Variants in BBOX1 observed in about 807,000 individuals in gnomAD.
BBOX1 encodes the protein gamma-butyrobetaine hydroxylase 1.
A neutral mutation model predicts 41.6 loss-of-function variants in BBOX1; 35 were observed. The ratio of observed to expected loss-of-function variants is 0.84; its 90% CI spans 0.64 to 1.11. BBOX1 has a LOEUF of 1.11. BBOX1 is among the 50% of genes most tolerant of loss of function. The pLI is 0.00. For missense variants in BBOX1, 458 were observed against 460.6 expected, an observed-to-expected ratio of 0.99 and a Z score of 0.05; for synonymous variants, 163 against 154.7, an observed-to-expected ratio of 1.05 and a Z score of -0.40.
intron 3 of BBOX1, among the ~76,000 whole-genome samples, chr11:27,056,995 G>T (rs1485636966): frequency 1.4e-5 from 2 of 147,356 alleles, no homozygotes; most frequent in Non-Finnish European, 3.0e-5. Flanking sequence ...GAACCCGGGA[G>T]GCAGAGGTTG....
At position 27,055,494 on chromosome 11, in the gene BBOX1, T is replaced by C. The variant is rs1276860914; in HGVS notation, c.64T>C (p.Tyr22His). 1 of 1,614,128 alleles carries C rather than the reference T, an allele frequency of 6.2e-7. No homozygotes were observed. Among genetic ancestry groups the C allele is most frequent in the East Asian group, 2.2e-5 (1 of 44,866 alleles). ...DGAHLMQILWYDEEESLYPAV... is the reference protein window; with the variant it reads ...DGAHLMQILWHDEEESLYPAV... The stretch of plus-strand genomic sequence containing the variant: ...GGCTCATTTGATGCAGATCCTCTGG[T>C]ATGATGAGGAAGAGTCTCTCTACCC... The change falls in exon 3 of 9, where the codon TAT (tyrosine) becomes CAT (histidine). Residue 22 changes from tyrosine (Y) to histidine (H), a missense_variant. Physicochemically the swap from Tyr to His is moderately conservative, Grantham distance 83. Transcript: ENST00000263182.
At chr11:27,114,532 T>G (rs1005206320) in intron 5 of BBOX1, among the ~76,000 whole-genome samples, 2 of 151,868 alleles carry the variant, frequency 1.3e-5, no homozygotes, top group African/African-American at 4.8e-5. Context: ...TAGTGTGATA[T>G]TGGCATAAGG....
chr11:27,105,005 C>A (rs1186086169), intron 5 of BBOX1, among the ~76,000 whole-genome samples: 4 of 152,188 alleles, frequency 2.6e-5, no homozygotes, highest in Admixed American at 2.0e-4. Context: ...CTCCAGCAAA[C>A]TCCAACAGAC....
At chr11:27,048,346 T>C (rs1355177306) in intron 2 of BBOX1, among the ~76,000 whole-genome samples, 1 of 152,080 alleles carries the variant, frequency 6.6e-6, no homozygotes, top group Non-Finnish European at 1.5e-5. Context: ...ATAAGTGATA[T>C]CATATTGCAT....
intron 4 of BBOX1, among the ~76,000 whole-genome samples, chr11:27,071,740 T>A (rs1857458036): frequency 6.6e-6 from 1 of 152,172 alleles, no homozygotes; most frequent in African/African-American, 2.4e-5. Flanking sequence ...GTGGGCTTCA[T>A]CCCTGGGATG....
chr11:27,070,809 C>A (rs547852861), intron 4 of BBOX1, among the ~76,000 whole-genome samples: 123 of 149,278 alleles, frequency 8.2e-4, no homozygotes, highest in Admixed American at 1.6e-3. Context: ...GAGATACTTT[C>A]TCCGTCATCA....
chr11:27,076,804 A>G (rs1373522201), intron 4 of BBOX1, among the ~76,000 whole-genome samples: 1 of 152,126 alleles, frequency 6.6e-6, no homozygotes, highest in African/African-American at 2.4e-5. Context: ...TCCAGAGAGA[A>G]GCACAGCTGT....
At chr11:27,081,175 T>C (rs2134015709) in intron 4 of BBOX1, among the ~76,000 whole-genome samples, 1 of 152,286 alleles carries the variant, frequency 6.6e-6, no homozygotes, top group Admixed American at 6.5e-5. Flanking sequence ...TAGTAAGTTC[T>C]TTTTCAATGA....
intron 4 of BBOX1, among the ~76,000 whole-genome samples, chr11:27,064,298 G>A (rs1186740626): frequency 6.6e-6 from 1 of 152,062 alleles, no homozygotes; most frequent in African/African-American, 2.4e-5. Flanking sequence ...AGCTGCCTTA[G>A]AGCAATTAAG....
intron 4 of BBOX1, among the ~76,000 whole-genome samples, chr11:27,058,389 A>C (rs1857047085): frequency 6.6e-6 from 1 of 152,198 alleles, no homozygotes; most frequent in Non-Finnish European, 1.5e-5. Flanking sequence ...GAACAAACTA[A>C]TACAGAAAAT....
intron 4 of BBOX1, among the ~76,000 whole-genome samples, chr11:27,069,773 T>C (rs114366733): frequency 0.021 from 3,191 of 152,228 alleles, 38 homozygotes; most frequent in African/African-American, 0.039. Flanking sequence ...TTGTTATATA[T>C]GGCCTTTATT....
chr11:27,098,573 G>A (rs1159474257), intron 5 of BBOX1, among the ~76,000 whole-genome samples: 1 of 152,076 alleles, frequency 6.6e-6, no homozygotes, highest in African/African-American at 2.4e-5. Flanking sequence ...CTGGACTGTA[G>A]CAATGCATGG....
At chr11:27,086,142 A>C (rs78241529) in intron 4 of BBOX1, among the ~76,000 whole-genome samples, 1,717 of 152,270 alleles carry the variant, frequency 0.011, 31 homozygotes, top group African/African-American at 0.038. Flanking sequence ...AGCTGCAGCA[A>C]GTGATCTGGA....
At chr11:27,073,494 G>C (rs1440437810) in intron 4 of BBOX1, among the ~76,000 whole-genome samples, 1 of 148,094 alleles carries the variant, frequency 6.8e-6, no homozygotes, top group Non-Finnish European at 1.5e-5. Context: ...CATTGTGGAA[G>C]ACAGTGTGGC....
chr11:27,052,052 G>T (rs1459508051), intron 2 of BBOX1, among the ~76,000 whole-genome samples: 1 of 151,718 alleles, frequency 6.6e-6, no homozygotes, highest in Non-Finnish European at 1.5e-5. Flanking sequence ...CCCATTAGTT[G>T]TTCAGGAGTT....
intron 2 of BBOX1, among the ~76,000 whole-genome samples, chr11:27,050,278 G>C (rs1851630833): frequency 6.6e-6 from 1 of 152,096 alleles, no homozygotes; most frequent in Non-Finnish European, 1.5e-5. Context: ...TTTGGGATCT[G>C]ATAATGTGAT....
At position 27,055,504 on chromosome 11, in the gene BBOX1, AAG is replaced by A. The variant is rs1207731049; in HGVS notation, c.77_78del (p.Glu26ValfsTer16). 2.5e-6 allele frequency: 4 copies of A among 1,614,082 alleles called. No individual in the cohort carries two copies. The highest frequency in any genetic ancestry group is 3.4e-6 in the Non-Finnish European group (4 of 1,180,042). ...ATGCAGATCCTCTGGTATGATGAGG[AAG>A]AGTCTCTCTACCCAGCTGTATGGTT... On this transcript the variant is annotated frameshift_variant, in exon 3 of 9. Coordinates refer to ENST00000263182, the MANE Select transcript of BBOX1 (RefSeq NM_003986.3). LOFTEE classifies it high-confidence loss of function.
chr11:27,051,695 TCTCTCTTTGTTTCTTAGGTTAG>T lies in BBOX1; in HGVS notation c.-38-3695_-38-3674del, dbSNP rs1465302408. On this transcript the variant is annotated intron_variant, in intron 2 of 8. Coordinates refer to ENST00000263182, the MANE Select transcript of BBOX1 (RefSeq NM_003986.3). ...CTCTTTCATTTCTGATTTTGAGTCTTCTCTCTTTGTTTCTTAGGTTAGCTAATGGTTTGTCAATTCTACCTTT... is the reference window on the plus strand; with the variant it reads ...CTCTTTCATTTCTGATTTTGAGTCTTCTAATGGTTTGTCAATTCTACCTTT... Among the ~76,000 whole-genome samples the T allele has an allele frequency of 1.9e-4, 29 of 152,112 alleles. No individual in the cohort carries two copies. In the Middle Eastern group the frequency reaches 0.017, roughly 89 times the overall value.
At chr11:27,118,987 C>G (rs191403429) in intron 6 of BBOX1, among the ~76,000 whole-genome samples, 4 of 151,854 alleles carry the variant, frequency 2.6e-5, no homozygotes, top group South Asian at 4.2e-4. Flanking sequence ...AGCTCAGTTC[C>G]GACTACATTA....
Sources: gnomAD v4.1 joint callset for allele counts (sites outside exome capture counted in the v4.1 genomes callset) on GRCh38, gnomAD v4.1.1 for gene constraint, MANE v1.5 for transcripts, NCBI Gene and HGNC (gene_info 2026-07-23, HGNC 2026-07-21) for gene names.